The following NRF1 variants were observed in gnomAD, a reference collection of about 807,000 sequenced individuals.
The protein encoded by NRF1 is nuclear respiratory factor 1.
In NRF1, 5 loss-of-function variants were observed where a neutral mutation model predicts 58.5. The observed-to-expected ratio is 0.09, with a 90% CI of 0.04 to 0.18. NRF1 has a LOEUF of 0.18. Ranked by LOEUF, NRF1 falls within the 10% of genes least tolerant of loss-of-function variation. The pLI is 1.00. For missense variants in NRF1, 288 were observed against 657.7 expected (o/e 0.44, Z 6.15); for synonymous variants, 224 against 246.7 (o/e 0.91, Z 0.86).
intron 10 of NRF1, among the ~76,000 whole-genome samples, chr7:129,745,378 C>G (rs1200322008): frequency 6.6e-6 from 1 of 152,106 alleles, no homozygotes; most frequent in Non-Finnish European, 1.5e-5. Context: ...GGCAGGTGAG[C>G]AAGCATCACC....
chr7:129,640,670 T>A (rs1801270166), intron 1 of NRF1, among the ~76,000 whole-genome samples: 1 of 152,224 alleles, frequency 6.6e-6, no homozygotes, highest in African/African-American at 2.4e-5. Flanking sequence ...TGTGCTCGGG[T>A]ACAAAGGGTG....
intron 1 of NRF1, among the ~76,000 whole-genome samples, chr7:129,647,061 AGTCGCACCCT>A (rs1376371339): frequency 6.6e-6 from 1 of 152,142 alleles, no homozygotes; most frequent in African/African-American, 2.4e-5. Flanking sequence ...TTCGAGATGG[AGTCGCACCCT>A]GTCGCCCAGG....
At chr7:129,625,833 C>T (rs932031134) in intron 1 of NRF1, among the ~76,000 whole-genome samples, 12 of 152,158 alleles carry the variant, frequency 7.9e-5, no homozygotes, top group African/African-American at 2.9e-4. Flanking sequence ...GGGTGCCTGC[C>T]ACCACACCTG....
chr7:129,642,521 T>A (rs914681850), intron 1 of NRF1, among the ~76,000 whole-genome samples: 3 of 152,202 alleles, frequency 2.0e-5, no homozygotes, highest in South Asian at 4.1e-4. Flanking sequence ...AGTGAAAAAA[T>A]ATTTGTAATA....
In NRF1 at chr7:129,619,490, G is replaced by GTGTGTA. The variant is rs1422472177; in HGVS notation, c.-7+7667_-7+7668insGTGTAT. 2.6e-3 allele frequency among the ~76,000 whole-genome samples: 128 copies of GTGTGTA among 48,596 alleles called. 1 individual carries two copies. The highest frequency in any genetic ancestry group is 0.012 in the African/African-American group (122 of 9,974). The allele number at this position is 48,596 out of a possible 152,430, so 31.9% of individuals were successfully genotyped here. The stretch of plus-strand genomic sequence containing the variant: ...TGTGTGTGTGTGTGTGTGTGTGTGT[G>GTGTGTA]TATATATATATATATATATATATGT... On this transcript the variant is annotated intron_variant, in intron 1 of 10. Transcript: ENST00000393232.
In NRF1 at chr7:129,625,758, T is replaced by C. The variant is rs186746484; in HGVS notation, c.-7+13934T>C. On this transcript the variant is annotated intron_variant, in intron 1 of 10. Transcript: ENST00000393232. ...GTGCAGTGGTGCGATCTCAGCTCAC[T>C]GCAAGCTCTGCCTCCCGGGTTCACG... 4.0e-3 allele frequency among the ~76,000 whole-genome samples: 561 copies of C among 138,640 alleles called. 7 individuals carry two copies. Among genetic ancestry groups the C allele is most frequent in the East Asian group, 5.5e-3 (25 of 4,548 alleles). 91.0% of individuals were successfully genotyped at this position (138,640 alleles called of 152,430 possible). A position where few individuals can be genotyped will look rare whatever the true frequency, so the allele number is the denominator to read the frequency against.
intron 1 of NRF1, among the ~76,000 whole-genome samples, chr7:129,631,816 T>C (rs771006963): frequency 1.3e-5 from 2 of 152,364 alleles, no homozygotes; most frequent in Non-Finnish European, 2.9e-5. Flanking sequence ...AAATAATGTA[T>C]ATATTTAAGT....
At chr7:129,647,749 G>T (rs188153677) in intron 1 of NRF1, among the ~76,000 whole-genome samples, 7 of 152,290 alleles carry the variant, frequency 4.6e-5, no homozygotes, top group Admixed American at 3.9e-4. Context: ...CTGGATTATC[G>T]TGTTATTAGT....
intron 1 of NRF1, among the ~76,000 whole-genome samples, chr7:129,626,865 A>G (rs1800930894): frequency 6.6e-6 from 1 of 152,246 alleles, no homozygotes; most frequent in African/African-American, 2.4e-5. Context: ...TGAGATGTGT[A>G]TCCATTGCTA....
At chr7:129,731,143 C>T (rs1803567839) in intron 10 of NRF1, among the ~76,000 whole-genome samples, 1 of 152,000 alleles carries the variant, frequency 6.6e-6, no homozygotes, top group Non-Finnish European at 1.5e-5. Context: ...ATGGTGGCAA[C>T]ACCTGTAATC....
chr7:129,735,403 G>A (rs1803683906), intron 10 of NRF1: 2 of 194,332 alleles, frequency 1.0e-5, no homozygotes, highest in African/African-American at 2.4e-5. Flanking sequence ...GGTGGCACAC[G>A]CCTGTAGTCC....
intron 3 of NRF1, among the ~76,000 whole-genome samples, chr7:129,677,373 A>C (rs148508154): frequency 1.3e-5 from 2 of 152,304 alleles, no homozygotes; most frequent in African/African-American, 4.8e-5. Context: ...GATCAAGAAG[A>C]ATGATACCAT....
chr7:129,733,047 G>A (rs1803619797), intron 10 of NRF1, among the ~76,000 whole-genome samples: 1 of 68,452 alleles, frequency 1.5e-5, no homozygotes, highest in South Asian at 7.7e-4. Context: ...CTCCAGCCTG[G>A]GCAACAAAGC....
chr7:129,754,464 T>TTAAAAAA (rs1804200622), intron 10 of NRF1, among the ~76,000 whole-genome samples: 1 of 51,204 alleles, frequency 2.0e-5, no homozygotes, highest in Non-Finnish European at 3.2e-5. Context: ...CCCTGTCTCT[T>TTAAAAAA]AAAAAAAAAA....
chr7:129,695,873 A>G (rs1007587285), intron 5 of NRF1, among the ~76,000 whole-genome samples: 3 of 151,686 alleles, frequency 2.0e-5, no homozygotes, highest in Admixed American at 6.6e-5. Context: ...AATTGCTTTT[A>G]TAATAGAAAT....
chr7:129,694,985 C>T (rs1269019243), intron 5 of NRF1, among the ~76,000 whole-genome samples: 2 of 152,078 alleles, frequency 1.3e-5, no homozygotes, highest in Non-Finnish European at 2.9e-5. Flanking sequence ...TATAGGAAGA[C>T]GAGCAGCATA....
At chr7:129,725,592 G>A (rs1255308454) in intron 9 of NRF1, among the ~76,000 whole-genome samples, 2 of 152,160 alleles carry the variant, frequency 1.3e-5, no homozygotes, top group Non-Finnish European at 2.9e-5. Context: ...CTCCCAAAGA[G>A]CTAGGATTAC....
intron 5 of NRF1, among the ~76,000 whole-genome samples, chr7:129,697,387 T>TAA (rs973661245): frequency 6.8e-6 from 1 of 146,676 alleles, no homozygotes. Context: ...ACTAAAAATT[T>TAA]AAAAAAAAAA....
chr7:129,669,360 T>C (rs540253633), intron 2 of NRF1, among the ~76,000 whole-genome samples: 11 of 152,336 alleles, frequency 7.2e-5, no homozygotes, highest in African/African-American at 2.4e-4. Context: ...TATAAAATAT[T>C]GAACTCTAGC....
Sources: allele counts gnomAD v4.1 joint callset (sites outside exome capture counted in the v4.1 genomes callset), GRCh38; gene constraint gnomAD v4.1.1; transcripts MANE v1.5; gene names NCBI Gene and HGNC (gene_info 2026-07-23, HGNC 2026-07-21).